Variants in ALDH5A1 observed in about 807,000 individuals in gnomAD.
The protein encoded by ALDH5A1 is succinate-semialdehyde dehydrogenase, mitochondrial.
In ALDH5A1, 33 loss-of-function variants were observed where a neutral mutation model predicts 54.7. The observed-to-expected ratio is 0.60, with a 90% confidence interval of 0.46 to 0.81. The LOEUF (loss-of-function observed/expected upper bound fraction) is 0.81, where lower values mean the gene tolerates loss of function less well. Among genes scored for constraint, ALDH5A1 ranks in the 30% least tolerant of loss-of-function variants. ALDH5A1 has a pLI of 0.00. For missense variants in ALDH5A1, 657 were observed against 711.0 expected (o/e 0.92, Z 0.86); for synonymous variants, 294 against 292.7 (o/e 1.00, Z -0.05).
chr6:24,520,821 A>G (rs1018479312), intron 6 of ALDH5A1, among the ~76,000 whole-genome samples: 1 of 152,230 alleles, frequency 6.6e-6, no homozygotes, highest in African/African-American at 2.4e-5. Flanking sequence ...GGCCCCCCCA[A>G]AATAAGGTAC....
intron 5 of ALDH5A1, among the ~76,000 whole-genome samples, chr6:24,519,587 C>G (rs1306166808): frequency 6.6e-6 from 1 of 151,892 alleles, no homozygotes; most frequent in East Asian, 1.9e-4. Flanking sequence ...AAATAAAGTT[C>G]TAGAAACATA....
chr6:24,526,952 TA>T, intron 7 of ALDH5A1, among the ~76,000 whole-genome samples: 1 of 21,328 alleles, frequency 4.7e-5, no homozygotes, highest in African/African-American at 1.4e-4. Flanking sequence ...TATATATATC[TA>T]ATATATATAT....
chr6:24,509,711 T>C lies in ALDH5A1; in HGVS notation c.726+4726T>C, dbSNP rs1279248713. On this transcript the variant is annotated intron_variant, in intron 4 of 9. Transcript: ENST00000357578. The surrounding 1 kb of genome is among the most constrained non-coding windows in gnomAD (Gnocchi z 4.7). ...ATTGAGATTATTTGGATTTTCTCTC[T>C]TCTCTTCTAATGGTCTATCAATTTT... Among the ~76,000 whole-genome samples the C allele has an allele frequency of 3.3e-5, 5 of 152,110 alleles. No homozygotes were observed. Among genetic ancestry groups the C allele is most frequent in the South Asian group, 2.1e-4 (1 of 4,824 alleles).
intron 8 of ALDH5A1, among the ~76,000 whole-genome samples, chr6:24,531,777 T>C (rs1052158779): frequency 2.6e-5 from 4 of 152,328 alleles, no homozygotes; most frequent in East Asian, 3.9e-4. Flanking sequence ...GTAGTTGTTA[T>C]GATTGTTATA....
At chr6:24,526,873 C>A (rs868744529) in intron 7 of ALDH5A1, among the ~76,000 whole-genome samples, 11 of 109,092 alleles carry the variant, frequency 1.0e-4, no homozygotes, top group African/African-American at 3.0e-4. Flanking sequence ...ATATATATAT[C>A]TTCTATATAT....
At chr6:24,503,028 G>T (rs994669861) in intron 2 of ALDH5A1, among the ~76,000 whole-genome samples, 2 of 151,786 alleles carry the variant, frequency 1.3e-5, no homozygotes, top group African/African-American at 4.8e-5. Context: ...AAAATTAGAT[G>T]TTTCCTAATT....
At chr6:24,528,314 GT>G in intron 8 of ALDH5A1, 148 bp downstream of exon 8, 2 of 836,012 alleles carry the variant, frequency 2.4e-6, no homozygotes, top group Non-Finnish European at 1.9e-6. Context: ...CAATTTATGG[GT>G]TTTTAAAAAA....
intron 4 of ALDH5A1, among the ~76,000 whole-genome samples, chr6:24,513,997 A>G (rs952144506): frequency 4.6e-5 from 7 of 152,196 alleles, no homozygotes; most frequent in Admixed American, 1.3e-4. Flanking sequence ...TTTCATGAGG[A>G]TATTGAGGGA....
In ALDH5A1 at chr6:24,503,383, C is replaced by T. The variant is rs370988709; in HGVS notation, c.559C>T (p.Arg187Trp). ...DIIHTPAKDRRALVLKQPIGV... is the reference protein window; with the variant it reads ...DIIHTPAKDRWALVLKQPIGV... Reference sequence around the variant, plus strand: ...TATCCACACCCCGGCAAAGGACAGGCGGGCCCTGGTCCTCAAGCAGCCCAT... The same window carrying T: ...TATCCACACCCCGGCAAAGGACAGGTGGGCCCTGGTCCTCAAGCAGCCCAT... The change falls in exon 3 of 10, where the codon CGG (arginine) becomes TGG (tryptophan). Residue 187 changes from arginine to tryptophan, a missense_variant. Arg to Trp is a moderately radical substitution (Grantham distance 101, BLOSUM62 -3). Transcript: ENST00000357578. 6 of 1,613,748 alleles carry T rather than the reference C, an allele frequency of 3.7e-6. No individual in the cohort carries two copies. The highest frequency in any genetic ancestry group is 1.1e-5 in the South Asian group (1 of 91,086).
At chr6:24,497,353 CAGAGCGT>C (rs1161643288) in intron 1 of ALDH5A1, among the ~76,000 whole-genome samples, 6 of 147,148 alleles carry the variant, frequency 4.1e-5, no homozygotes, top group Admixed American at 1.3e-4. Context: ...GTGCATTTTA[CAGAGCGT>C]TGATTGGTGT....
intron 1 of ALDH5A1, among the ~76,000 whole-genome samples, chr6:24,495,821 C>A (rs1764691953): frequency 6.6e-6 from 1 of 152,160 alleles, no homozygotes; most frequent in Non-Finnish European, 1.5e-5. Context: ...TGGCCAGAAT[C>A]ATGGGATCGG....
rs886061273 is a variant in ALDH5A1 at position 24,534,682 on chromosome 6, C to T, written c.*970C>T. On this transcript the variant is annotated 3_prime_UTR_variant, in exon 10 of 10. Coordinates refer to ENST00000357578, the MANE Select transcript of ALDH5A1 (RefSeq NM_001080.3). ...CAAGAGCCATTGTTACGAGCAGCACCGCCCAGCCCTTCCTTGCCTACTGTC... is the reference window on the plus strand; with the variant it reads ...CAAGAGCCATTGTTACGAGCAGCACTGCCCAGCCCTTCCTTGCCTACTGTC... 10 of 152,416 alleles carry T rather than the reference C, an allele frequency of 6.6e-5. No homozygotes were observed. The highest frequency in any genetic ancestry group is 1.3e-4 in the Non-Finnish European group (9 of 68,108). 9.4% of individuals were successfully genotyped at this position (152,416 alleles called of 1,614,324 possible).
intron 7 of ALDH5A1, among the ~76,000 whole-genome samples, chr6:24,524,486 C>A (rs1759764806): frequency 6.6e-6 from 1 of 152,134 alleles, no homozygotes; most frequent in African/African-American, 2.4e-5. Context: ...CGCTGTTCCT[C>A]AACCTCCTCA....
chr6:24,518,822 A>G lies in ALDH5A1; in HGVS notation c.871-1579A>G, dbSNP rs1221972575. Among the ~76,000 whole-genome samples, 1 of 152,170 alleles carries G rather than the reference A, an allele frequency of 6.6e-6. No homozygotes were observed. The highest frequency in any genetic ancestry group is 1.5e-5 in the Non-Finnish European group (1 of 68,028). ...CAGAATGTACAACACTTGGGGGGCA[A>G]TCCTAGAGCCACCTTGGGCTTGCGA... On this transcript the variant is annotated intron_variant, in intron 5 of 9. Transcript: ENST00000357578. This position sits in a 1 kb window ranked among gnomAD's most constrained non-coding sequence, Gnocchi z 4.2.
At chr6:24,495,464 C>T (rs1764680434) in intron 1 of ALDH5A1, 114 bp downstream of exon 1, 4 of 1,034,370 alleles carry the variant, frequency 3.9e-6, no homozygotes, top group Admixed American at 5.0e-5. Flanking sequence ...TGCTCAGTTC[C>T]CCAGGGTATA....
At chr6:24,500,764 C>G (rs1370939984) in intron 1 of ALDH5A1, among the ~76,000 whole-genome samples, 1 of 151,664 alleles carries the variant, frequency 6.6e-6, no homozygotes, top group Non-Finnish European at 1.5e-5. Flanking sequence ...TTCCACAAAA[C>G]TTATTTTATC....
At chr6:24,500,764 CTTATT>C (rs1239573680) in intron 1 of ALDH5A1, among the ~76,000 whole-genome samples, 1 of 151,664 alleles carries the variant, frequency 6.6e-6, no homozygotes, top group African/African-American at 2.4e-5. Context: ...TTCCACAAAA[CTTATT>C]TTATCTTTTA....
chr6:24,535,894 C>G lies in ALDH5A1; in HGVS notation c.*2182C>G, dbSNP rs1432392567. ...GCTGAGATGTGTGCAGGAATACTTC[C>G]AAATAAATTTTTAACATTGTAAGCC... On this transcript the variant is annotated 3_prime_UTR_variant, in exon 10 of 10. Coordinates refer to ENST00000357578, the MANE Select transcript of ALDH5A1 (RefSeq NM_001080.3). 2 of 152,188 alleles carry G rather than the reference C, an allele frequency of 1.3e-5. No homozygotes were observed. The highest frequency in any genetic ancestry group is 2.9e-5 in the Non-Finnish European group (2 of 68,034). The allele number at this position is 152,188 out of a possible 1,614,324, so 9.4% of individuals were successfully genotyped here. A position where few individuals can be genotyped will look rare whatever the true frequency, so the allele number is the denominator to read the frequency against.
rs957094421 is a variant in ALDH5A1 at position 24,535,336 on chromosome 6, G to C, written c.*1624G>C. On this transcript the variant is annotated 3_prime_UTR_variant, in exon 10 of 10. Coordinates refer to ENST00000357578, the MANE Select transcript of ALDH5A1 (RefSeq NM_001080.3). The stretch of plus-strand genomic sequence containing the variant: ...TGGAGTGTACTAGCCACATTCCCAA[G>C]GTCCCAAGGAGAAGGAAGAGCTGAA... The C allele has an allele frequency of 6.6e-6, 1 of 152,200 alleles. No individual in the cohort carries two copies. The highest frequency in any genetic ancestry group is 1.5e-5 in the Non-Finnish European group (1 of 68,042). The allele number at this position is 152,200 out of a possible 1,614,324, so 9.4% of individuals were successfully genotyped here.
Sources: allele counts gnomAD v4.1 joint callset (sites outside exome capture counted in the v4.1 genomes callset), GRCh38; gene constraint gnomAD v4.1.1; non-coding constraint Gnocchi (gnomAD v3.1); transcripts MANE v1.5; gene names NCBI Gene and HGNC (gene_info 2026-07-23, HGNC 2026-07-21).